AGBL1: variants seen among roughly 807,000 people sequenced by gnomAD.
AGBL1 encodes AGBL carboxypeptidase 1, also known as cytosolic carboxypeptidase 4.
In AGBL1, 130 loss-of-function variants were observed where a neutral mutation model predicts 118.9. That is an observed-to-expected ratio of 1.09 (90% CI 0.95 to 1.26). The LOEUF (loss-of-function observed/expected upper bound fraction) is 1.26, where lower values mean the gene tolerates loss of function less well. AGBL1 is among the 50% of genes most tolerant of loss of function. The pLI, the probability that AGBL1 is intolerant of heterozygous loss-of-function variation, is 0.00. For missense variants in AGBL1, 1,584 were observed against 1,298.1 expected (o/e 1.22, Z -3.38); for synonymous variants, 555 against 478.9 (o/e 1.16, Z -2.08).
At chr15:86,219,179 C>T (rs2078238597) in intron 5 of AGBL1, among the ~76,000 whole-genome samples, 4 of 152,132 alleles carry the variant, frequency 2.6e-5, no homozygotes, top group Admixed American at 2.6e-4. Context: ...GAATGATGAC[C>T]CTGCAGGCTC....
At chr15:86,695,155 G>C (rs569666372) in intron 22 of AGBL1, among the ~76,000 whole-genome samples, 435 of 152,000 alleles carry the variant, frequency 2.9e-3, no homozygotes, top group Non-Finnish European at 5.3e-3. Flanking sequence ...GTGGAATAGT[G>C]TCAATAGGAT....
At position 87,018,642 on chromosome 15, in the gene AGBL1, A is replaced by AAAAGT. The variant is rs2081631561; in HGVS notation, c.3324-10181_3324-10177dup. Among the ~76,000 whole-genome samples the AAAAGT allele has an allele frequency of 4.6e-5, 7 of 151,376 alleles. No individual in the cohort carries two copies. In the Admixed American group the frequency reaches 4.6e-4, roughly 10 times the overall value. ...AATATGGAAAGGAAAAACTGTTACCAAAAGTATTTTTTTACAAAAGCACAC... is the reference window on the plus strand; with the variant it reads ...AATATGGAAAGGAAAAACTGTTACCAAAAGTAAAGTATTTTTTTACAAAAGCACAC... On this transcript the variant is annotated intron_variant, in intron 24 of 24. Coordinates refer to the AGBL1 transcript ENST00000441037.
chr15:86,523,022 A>C, intron 19 of AGBL1, 83 bp downstream of exon 19: 1 of 1,506,518 alleles, frequency 6.6e-7, no homozygotes, highest in Non-Finnish European at 9.2e-7. Context: ...CCAAGGCAAG[A>C]ATAGACAATG....
At chr15:86,401,787 T>C (rs1376482418) in intron 18 of AGBL1, among the ~76,000 whole-genome samples, 3 of 152,194 alleles carry the variant, frequency 2.0e-5, no homozygotes, top group Non-Finnish European at 4.4e-5. Flanking sequence ...CTGGATATTC[T>C]ATTTTGTTCC....
At chr15:86,997,324 C>G (rs1416044442) in intron 24 of AGBL1, among the ~76,000 whole-genome samples, 2 of 152,156 alleles carry the variant, frequency 1.3e-5, no homozygotes, top group East Asian at 1.9e-4. Flanking sequence ...GCAGTGCCCT[C>G]TCTTCCCTGC....
chr15:86,081,681 G>A (rs1458130832), intron 1 of AGBL1, among the ~76,000 whole-genome samples: 1 of 152,198 alleles, frequency 6.6e-6, no homozygotes, highest in Non-Finnish European at 1.5e-5. Flanking sequence ...CTGACATTCT[G>A]AGACCTCTTC....
intron 21 of AGBL1, among the ~76,000 whole-genome samples, chr15:86,635,262 C>CCCTCCT (rs1177858508): frequency 6.8e-5 from 5 of 73,190 alleles, no homozygotes; most frequent in African/African-American, 3.0e-4. Flanking sequence ...CTCCCCCTCC[C>CCCTCCT]CCTCCTCCTC....
intron 18 of AGBL1, among the ~76,000 whole-genome samples, chr15:86,509,336 G>A (rs2083024621): frequency 6.6e-6 from 1 of 152,080 alleles, no homozygotes; most frequent in Admixed American, 6.6e-5. Flanking sequence ...CAGGTGAGGG[G>A]ATTTGAGAGT....
intron 3 of AGBL1, among the ~76,000 whole-genome samples, chr15:86,149,749 C>G (rs1276806912): frequency 6.6e-6 from 1 of 152,144 alleles, no homozygotes. Flanking sequence ...ATATCCAGGA[C>G]TTGAACTCAG....
At position 86,083,139 on chromosome 15, in the gene AGBL1, T is replaced by G. The variant is rs183684270; in HGVS notation, c.51+3116T>G. On this transcript the variant is annotated intron_variant, in intron 1 of 22. Coordinates refer to ENST00000614907, the MANE Select transcript of AGBL1 (RefSeq NM_001386094.1). ...AGTGGAGAGGCTGGGAACACTTGCC[T>G]ACACTTTTTGTCAACCTGCCTGGCT... Among the ~76,000 whole-genome samples the G allele has an allele frequency of 7.2e-5, 11 of 152,288 alleles. 1 individual carries two copies. The East Asian group carries it at 2.1e-3, about 29-fold the overall frequency.
intron 5 of AGBL1, among the ~76,000 whole-genome samples, chr15:86,187,026 C>A (rs186896369): frequency 1.3e-3 from 204 of 152,276 alleles, no homozygotes; most frequent in African/African-American, 4.6e-3. Context: ...TTTATACTAA[C>A]GTTATAGCAA....
chr15:86,881,840 G>A (rs1018208571), intron 22 of AGBL1, among the ~76,000 whole-genome samples: 10 of 152,002 alleles, frequency 6.6e-5, no homozygotes, highest in Non-Finnish European at 1.3e-4. Context: ...TTTGCCATGT[G>A]GGCTAGGCTT....
intron 6 of AGBL1, among the ~76,000 whole-genome samples, chr15:86,247,464 A>G (rs1331594239): frequency 6.6e-6 from 1 of 152,234 alleles, no homozygotes; most frequent in East Asian, 1.9e-4. Flanking sequence ...AGTGTATCAT[A>G]TCGGGTGGCA....
intron 24 of AGBL1, among the ~76,000 whole-genome samples, chr15:87,001,217 T>C (rs2081433709): frequency 6.6e-6 from 1 of 150,714 alleles, no homozygotes; most frequent in African/African-American, 2.5e-5. Context: ...GAATACCCTT[T>C]ATTTCCTTCT....
At chr15:86,548,754 AG>A (rs1426324206) in intron 20 of AGBL1, among the ~76,000 whole-genome samples, 13 of 151,954 alleles carry the variant, frequency 8.6e-5, no homozygotes, top group African/African-American at 3.1e-4. Context: ...AAGCTAAGAT[AG>A]GCTCTCTATA....
At chr15:86,931,566 T>TTGCTGCTGC (rs59067780) in intron 23 of AGBL1, among the ~76,000 whole-genome samples, 12,952 of 150,446 alleles carry the variant, frequency 0.086, 590 homozygotes, top group African/African-American at 0.11. Context: ...AGTGGTGCTT[T>TTGCTGCTGC]TGCTGCTGCT....
chr15:86,745,867 G>T (rs2077749162), intron 22 of AGBL1, among the ~76,000 whole-genome samples: 2 of 152,096 alleles, frequency 1.3e-5, no homozygotes, highest in Non-Finnish European at 2.9e-5. Flanking sequence ...CACACAGGCT[G>T]TCAGCAATAG....
At chr15:86,614,973 T>G (rs2142398160) in intron 21 of AGBL1, among the ~76,000 whole-genome samples, 1 of 152,212 alleles carries the variant, frequency 6.6e-6, no homozygotes, top group African/African-American at 2.4e-5. Flanking sequence ...ATGAGCAAAG[T>G]TGTTCTAAGA....
intron 18 of AGBL1, among the ~76,000 whole-genome samples, chr15:86,472,893 T>C (rs1344677969): frequency 6.6e-6 from 1 of 152,188 alleles, no homozygotes; most frequent in Non-Finnish European, 1.5e-5. Context: ...CACTCTAGTC[T>C]GGATGACAGA....
Sources: allele counts gnomAD v4.1 joint callset (sites outside exome capture counted in the v4.1 genomes callset), GRCh38; gene constraint gnomAD v4.1.1; transcripts MANE v1.5; gene names NCBI Gene and HGNC (gene_info 2026-07-23, HGNC 2026-07-21).